The following RPRD1B variants were observed in gnomAD, a reference collection of about 807,000 sequenced individuals.
RPRD1B encodes regulation of nuclear pre-mRNA domain containing 1B, also known as regulation of nuclear pre-mRNA domain-containing protein 1B.
RPRD1B carries 11 observed loss-of-function variants against 41.5 expected under a neutral mutation model. That is an observed-to-expected ratio of 0.27 (90% CI 0.17 to 0.44). The LOEUF (loss-of-function observed/expected upper bound fraction) is 0.44, where lower values mean the gene tolerates loss of function less well. Ranked by LOEUF, RPRD1B falls within the 20% of genes least tolerant of loss-of-function variation. The pLI is 1.00. For missense variants in RPRD1B, 248 were observed against 389.9 expected (o/e 0.64, Z 3.06); for synonymous variants, 158 against 155.6 (o/e 1.02, Z -0.12).
chr20:38,069,700 A>AAC (rs753839139), intron 6 of RPRD1B, among the ~76,000 whole-genome samples: 119 of 152,370 alleles, frequency 7.8e-4, no homozygotes, highest in Middle Eastern at 3.4e-3. Context: ...AATAGCAGCA[A>AAC]ACAAGGGGTT....
chr20:38,045,110 T>C (rs2074108075), intron 2 of RPRD1B, among the ~76,000 whole-genome samples: 3 of 152,218 alleles, frequency 2.0e-5, no homozygotes, highest in Non-Finnish European at 4.4e-5. Flanking sequence ...CTATCTGTAT[T>C]GAAAAATAAA....
At chr20:38,056,156 G>A (rs1024549690) in intron 3 of RPRD1B, among the ~76,000 whole-genome samples, 1 of 152,136 alleles carries the variant, frequency 6.6e-6, no homozygotes, top group Non-Finnish European at 1.5e-5. Flanking sequence ...GGAGACCAAG[G>A]CGGGTGGGTC....
At chr20:38,042,180 G>T (rs899604372) in intron 2 of RPRD1B, among the ~76,000 whole-genome samples, 3 of 152,172 alleles carry the variant, frequency 2.0e-5, no homozygotes, top group African/African-American at 4.8e-5. Context: ...GTGAGACCCT[G>T]TGTCTACAAA....
intron 6 of RPRD1B, among the ~76,000 whole-genome samples, chr20:38,076,345 C>A (rs1331993979): frequency 1.3e-5 from 2 of 152,188 alleles, no homozygotes; most frequent in Non-Finnish European, 2.9e-5. Flanking sequence ...GATTCCAACA[C>A]CTTAACTAAT....
chr20:38,043,871 G>A (rs1224912906), intron 2 of RPRD1B, among the ~76,000 whole-genome samples: 5 of 152,228 alleles, frequency 3.3e-5, no homozygotes, highest in South Asian at 2.1e-4. Context: ...TGGCCAGGCC[G>A]AGTGTGAGGT....
intron 6 of RPRD1B, among the ~76,000 whole-genome samples, chr20:38,089,032 C>A (rs2074588696): frequency 6.6e-6 from 1 of 152,186 alleles, no homozygotes; most frequent in Non-Finnish European, 1.5e-5. Context: ...TTTGTAAGAC[C>A]TTGAACTCTG....
chr20:38,053,299 GCTGT>G (rs1362952633), intron 3 of RPRD1B, among the ~76,000 whole-genome samples: 1 of 152,030 alleles, frequency 6.6e-6, no homozygotes, highest in African/African-American at 2.4e-5. Context: ...ATTTTTAATG[GCTGT>G]CTGACTAGAC....
Position 38,091,822 on chromosome 20 carries a change from T to A in RPRD1B, c.*1947T>A. On this transcript the variant is annotated 3_prime_UTR_variant, in exon 7 of 7. Transcript: ENST00000373433. ...GAATGGATTTAGCCCACTGCTCTGTTTTATCCAACTGAGTCTCTGACCAGC... is the reference window on the plus strand; with the variant it reads ...GAATGGATTTAGCCCACTGCTCTGTATTATCCAACTGAGTCTCTGACCAGC... 1 of 985,872 alleles carries A rather than the reference T, an allele frequency of 1.0e-6. No individual in the cohort carries two copies. Among genetic ancestry groups the A allele is most frequent in the South Asian group, 4.7e-5 (1 of 21,284 alleles). 61.1% of individuals were successfully genotyped at this position (985,872 alleles called of 1,614,324 possible).
chr20:38,086,945 GGTTTTTTTT>G (rs1346350808), intron 6 of RPRD1B, among the ~76,000 whole-genome samples: 2 of 151,932 alleles, frequency 1.3e-5, no homozygotes, highest in Admixed American at 6.6e-5. Context: ...GGTTTTTTGG[GGTTTTTTTT>G]GTTTTTTTGT....
At chr20:38,058,118 T>G (rs1310187280) in intron 4 of RPRD1B, among the ~76,000 whole-genome samples, 1 of 152,180 alleles carries the variant, frequency 6.6e-6, no homozygotes, top group African/African-American at 2.4e-5. Context: ...TTTGTGTTAT[T>G]TGGCTATACA....
intron 5 of RPRD1B, among the ~76,000 whole-genome samples, chr20:38,061,702 G>A (rs1341868146): frequency 5.3e-5 from 8 of 151,998 alleles, no homozygotes; most frequent in African/African-American, 1.2e-4. Flanking sequence ...TCTACTTCCC[G>A]TCCTCCCAGT....
rs2030551175 is a variant in RPRD1B at position 38,089,959 on chromosome 20, G to A, written c.*84G>A. The A allele has an allele frequency of 6.5e-7, 1 of 1,536,030 alleles. No individual in the cohort carries two copies. The highest frequency in any genetic ancestry group is 8.7e-7 in the Non-Finnish European group (1 of 1,145,300). The stretch of plus-strand genomic sequence containing the variant: ...GGTTGGAAATAACCTTCTAGCCCCT[G>A]GTTCTATCCCTTCTTCCGCCCAGCC... On this transcript the variant is annotated 3_prime_UTR_variant, in exon 7 of 7. Coordinates refer to ENST00000373433, the MANE Select transcript of RPRD1B (RefSeq NM_021215.4).
intron 6 of RPRD1B, among the ~76,000 whole-genome samples, chr20:38,084,590 G>C (rs1339610657): frequency 6.6e-6 from 1 of 152,168 alleles, no homozygotes; most frequent in Non-Finnish European, 1.5e-5. Context: ...CAGTGTGTCA[G>C]GTCTGGCTTA....
intron 6 of RPRD1B, chr20:38,084,002 A>G (rs2074538246): frequency 6.6e-6 from 1 of 152,196 alleles, no homozygotes; most frequent in East Asian, 1.9e-4. Flanking sequence ...CTTATTTTCA[A>G]TCCAAATATT....
At chr20:38,034,841 C>T (rs1203594164) in intron 1 of RPRD1B, among the ~76,000 whole-genome samples, 1 of 152,230 alleles carries the variant, frequency 6.6e-6, no homozygotes, top group Non-Finnish European at 1.5e-5. Flanking sequence ...TGGACACTTG[C>T]AGCATGTTGC....
At chr20:38,038,479 T>TG (rs1194811847) in intron 1 of RPRD1B, among the ~76,000 whole-genome samples, 3 of 132,570 alleles carry the variant, frequency 2.3e-5, no homozygotes. Flanking sequence ...CCGGCTGATT[T>TG]TTTTTGTTTT....
chr20:38,043,478 T>C (rs2074088339), intron 2 of RPRD1B, among the ~76,000 whole-genome samples: 1 of 152,176 alleles, frequency 6.6e-6, no homozygotes, highest in Admixed American at 6.5e-5. Flanking sequence ...TTCCAATATA[T>C]TCCAACATAC....
Position 38,091,071 on chromosome 20 carries a change from T to C in RPRD1B, c.*1196T>C. On this transcript the variant is annotated 3_prime_UTR_variant, in exon 7 of 7. Coordinates refer to ENST00000373433, the MANE Select transcript of RPRD1B (RefSeq NM_021215.4). ...GACTATATAATGTAGTTAGAGACAA[T>C]TTTTATCTTGCTTATAGTAAAGGTT... 1.0e-6 allele frequency: 1 copy of C among 985,842 alleles called. No homozygotes were observed. Among genetic ancestry groups the C allele is most frequent in the Non-Finnish European group, 1.2e-6 (1 of 829,918 alleles). The allele number at this position is 985,842 out of a possible 1,614,324, so 61.1% of individuals were successfully genotyped here.
At chr20:38,079,944 G>A (rs2074498636) in intron 6 of RPRD1B, among the ~76,000 whole-genome samples, 1 of 152,010 alleles carries the variant, frequency 6.6e-6, no homozygotes, top group African/African-American at 2.4e-5. Context: ...TCTCATTGTG[G>A]TTTTGATTTG....
Sources: allele counts gnomAD v4.1 joint callset (sites outside exome capture counted in the v4.1 genomes callset), GRCh38; gene constraint gnomAD v4.1.1; transcripts MANE v1.5; gene names NCBI Gene and HGNC (gene_info 2026-07-23, HGNC 2026-07-21).